Variants in ALPK1 observed in about 807,000 individuals in gnomAD.
The protein encoded by ALPK1 is alpha-protein kinase 1.
Under a neutral mutation model 120.6 loss-of-function variants are expected in ALPK1, and 110 were observed. That is an observed-to-expected ratio of 0.91 (90% CI 0.78 to 1.07). ALPK1 has a LOEUF of 1.07. Among genes scored for constraint, ALPK1 ranks in the 50% least tolerant of loss-of-function variants. ALPK1 has a pLI of 0.00. For missense variants in ALPK1, 1,498 were observed against 1,483.9 expected (o/e 1.01, Z -0.16); for synonymous variants, 582 against 560.3 (o/e 1.04, Z -0.55).
intron 4 of ALPK1, among the ~76,000 whole-genome samples, chr4:112,397,268 G>A (rs758959536): frequency 2.8e-4 from 43 of 152,112 alleles, no homozygotes; most frequent in Non-Finnish European, 3.4e-4. Flanking sequence ...TCTTTTCCAC[G>A]TATGTGTGTA....
Position 112,301,440 on chromosome 4 carries a change from C to T in ALPK1, c.-153+3971C>T, listed in dbSNP as rs559072328. 1.7e-4 allele frequency among the ~76,000 whole-genome samples: 26 copies of T among 152,246 alleles called. No homozygotes were observed. The South Asian group carries it at 2.1e-3, about 12-fold the overall frequency. On this transcript the variant is annotated intron_variant, in intron 1 of 15. Transcript: ENST00000650871. ...AGGGCAGCTCAGCAACTGTTAGAAG[C>T]GCCCTTACTGTGTTAATTCCATGCT...
intron 2 of ALPK1, chr4:112,358,765 T>G: frequency 2.5e-6 from 2 of 811,278 alleles, no homozygotes; most frequent in South Asian, 2.6e-5. Context: ...GGTGCACAGA[T>G]GAACACGGCC....
intron 3 of ALPK1, among the ~76,000 whole-genome samples, chr4:112,379,072 C>T (rs1731789277): frequency 6.6e-6 from 1 of 152,178 alleles, no homozygotes; most frequent in African/African-American, 2.4e-5. Context: ...CTAGTTCTCC[C>T]CAGGGGCGGT....
At chr4:112,374,945 TA>T (rs1432552229) in intron 2 of ALPK1, among the ~76,000 whole-genome samples, 1 of 152,176 alleles carries the variant, frequency 6.6e-6, no homozygotes, top group Non-Finnish European at 1.5e-5. Flanking sequence ...GTATAATTCT[TA>T]AGGGTCTTAG....
chr4:112,404,483 T>C (rs756269911), intron 4 of ALPK1, among the ~76,000 whole-genome samples: 84 of 152,254 alleles, frequency 5.5e-4, no homozygotes, highest in Non-Finnish European at 7.9e-4. Flanking sequence ...GTTAAGTAAC[T>C]TGCCGTGGCA....
chr4:112,359,912 A>G, intron 2 of ALPK1: 1 of 186,298 alleles, frequency 5.4e-6, no homozygotes, highest in South Asian at 9.7e-5. Flanking sequence ...AGAATAGGCC[A>G]GAGAACACTT....
At chr4:112,424,070 A>C in intron 6 of ALPK1, 67 bp downstream of exon 6, 1 of 1,479,178 alleles carries the variant, frequency 6.8e-7, no homozygotes, top group Non-Finnish European at 9.4e-7. Flanking sequence ...ATTTAATAAC[A>C]ACTTAGTGAC....
At chr4:112,324,477 T>A (rs1381380159) in intron 2 of ALPK1, among the ~76,000 whole-genome samples, 1 of 152,090 alleles carries the variant, frequency 6.6e-6, no homozygotes. Flanking sequence ...TGTTTTGTTT[T>A]GTTTTGTTTT....
chr4:112,303,527 G>T (rs1370705165), intron 1 of ALPK1, among the ~76,000 whole-genome samples: 1 of 151,934 alleles, frequency 6.6e-6, no homozygotes, highest in Admixed American at 6.6e-5. Context: ...CTACCATATC[G>T]ATCCATTCTC....
chr4:112,336,433 CA>C (rs1216754400), intron 2 of ALPK1, among the ~76,000 whole-genome samples: 1 of 152,102 alleles, frequency 6.6e-6, no homozygotes, highest in Non-Finnish European at 1.5e-5. Context: ...TAACTGTAAG[CA>C]AGTTGCTCAA....
intron 2 of ALPK1, chr4:112,358,536 T>G: frequency 1.4e-6 from 1 of 691,552 alleles, no homozygotes; most frequent in Admixed American, 2.2e-5. Flanking sequence ...GAGGGCAGCC[T>G]GTATATGGAG....
chr4:112,426,345 T>C, intron 7 of ALPK1, 122 bp from the exon 8 acceptor site: 1 of 664,492 alleles, frequency 1.5e-6, no homozygotes, highest in Non-Finnish European at 2.5e-6. Flanking sequence ...AGCCTAAGTT[T>C]TCCTAACAGA....
At chr4:112,307,043 C>G (rs1173456867) in intron 1 of ALPK1, among the ~76,000 whole-genome samples, 1 of 152,074 alleles carries the variant, frequency 6.6e-6, no homozygotes, top group Non-Finnish European at 1.5e-5. Context: ...TGTTCAGTTT[C>G]CATGTAGTTG....
Position 112,430,455 on chromosome 4 carries a change from G to A in ALPK1, c.908G>A (p.Arg303His), listed in dbSNP as rs142200712. ...PLFVLTAVNI[R>H]GTCLLSYSSS... ...ATTTGGTATTTTTCCCAGAATATCC[G>A]TGGCACGTGTTTATTGTCCTACAGT... The change falls in exon 11 of 16, where the codon CGT becomes CAT. Residue 303 changes from arginine to histidine, a missense_variant. By Grantham distance (29) the Arg-to-His change is conservative. Coordinates refer to ENST00000650871, the MANE Select transcript of ALPK1 (RefSeq NM_025144.4). 3.6e-5 allele frequency: 57 copies of A among 1,565,630 alleles called. No individual in the cohort carries two copies. The highest frequency in any genetic ancestry group is 1.6e-4 in the East Asian group (7 of 44,070).
intron 1 of ALPK1, among the ~76,000 whole-genome samples, chr4:112,314,664 A>G (rs1728555356): frequency 6.6e-6 from 1 of 152,146 alleles, no homozygotes; most frequent in African/African-American, 2.4e-5. Context: ...GCTGATAGCA[A>G]CAATGAAGGG....
rs185618068 is a variant in ALPK1, at chr4:112,304,557, A to G, written c.-153+7088A>G. ...GCTGCATAAATGTCTTCTTTTGAGA[A>G]GAGTCTGTTCATATCCTTCACCCAC... is the stretch of plus-strand genomic sequence containing the variant. On this transcript the variant is annotated intron_variant, in intron 1 of 15. Transcript: ENST00000650871. 3.3e-5 allele frequency among the ~76,000 whole-genome samples: 5 copies of G among 152,234 alleles called. No individual in the cohort carries two copies. In the East Asian group the frequency reaches 9.6e-4, roughly 29 times the overall value.
Position 112,430,476 on chromosome 4 carries a change from A to C in ALPK1, c.929A>C (p.Tyr310Ser). ...VNIRGTCLLS[Y>S]SSSNDCPPEL... ...ATCCGTGGCACGTGTTTATTGTCCT[A>C]CAGTAGTTCAAATGACTGTCCTCCA... The change falls in exon 11 of 16, where the codon TAC (tyrosine) becomes TCC (serine). Residue 310 changes from tyrosine (Y) to serine (S), a missense_variant. Tyr to Ser is a moderately radical substitution (Grantham distance 144). Transcript: ENST00000650871. 6.2e-7 allele frequency: 1 copy of C among 1,611,490 alleles called. No individual in the cohort carries two copies. The highest frequency in any genetic ancestry group is 8.5e-7 in the Non-Finnish European group (1 of 1,178,776).
chr4:112,369,461 C>T (rs1297026644), intron 2 of ALPK1, among the ~76,000 whole-genome samples: 1 of 152,134 alleles, frequency 6.6e-6, no homozygotes, highest in African/African-American at 2.4e-5. Flanking sequence ...TCTTGTTGTA[C>T]ATTAGAGACC....
intron 12 of ALPK1, among the ~76,000 whole-genome samples, chr4:112,436,572 G>A (rs921090598): frequency 3.3e-5 from 5 of 152,180 alleles, no homozygotes; most frequent in African/African-American, 7.2e-5. Context: ...AGGAAATTTG[G>A]AGATAGACAA....
Sources: allele counts gnomAD v4.1 joint callset (sites outside exome capture counted in the v4.1 genomes callset), GRCh38; gene constraint gnomAD v4.1.1; transcripts MANE v1.5; gene names NCBI Gene and HGNC (gene_info 2026-07-23, HGNC 2026-07-21).